The following SDK1 variants were observed in gnomAD, a reference collection of about 807,000 sequenced individuals.
SDK1 encodes protein sidekick-1.
In SDK1, 157 loss-of-function variants were observed where a neutral mutation model predicts 245.5. That is an observed-to-expected ratio of 0.64 (90% CI 0.56 to 0.73). The LOEUF (loss-of-function observed/expected upper bound fraction) is 0.73, where lower values mean the gene tolerates loss of function less well. Among genes scored for constraint, SDK1 ranks in the 30% least tolerant of loss-of-function variants. SDK1 has a pLI of 0.00. For synonymous variants in SDK1, 1,647 were observed against 1,278.5 expected, an observed-to-expected ratio of 1.29 and a Z score of -6.15; for missense variants, 3,583 against 3,002.3, an observed-to-expected ratio of 1.19 and a Z score of -4.52.
chr7:3,918,793 T>A (rs148846077), intron 5 of SDK1, among the ~76,000 whole-genome samples: 101 of 152,246 alleles, frequency 6.6e-4, no homozygotes, highest in African/African-American at 2.3e-3. Context: ...GACCGGCGGT[T>A]CTACCGAGAG....
At chr7:3,361,891 T>G (rs1425096854) in intron 1 of SDK1, among the ~76,000 whole-genome samples, 1 of 152,220 alleles carries the variant, frequency 6.6e-6, no homozygotes, top group Non-Finnish European at 1.5e-5. Flanking sequence ...ACCTGGCAAT[T>G]TTTTAAAATA....
At chr7:3,998,813 G>A (rs1352781110) in intron 14 of SDK1, among the ~76,000 whole-genome samples, 1 of 152,320 alleles carries the variant, frequency 6.6e-6, no homozygotes, top group East Asian at 1.9e-4. Flanking sequence ...GTTCCGTGCA[G>A]TCGGCGTCTC....
At chr7:3,883,200 A>G (rs1781249452) in intron 5 of SDK1, among the ~76,000 whole-genome samples, 1 of 152,170 alleles carries the variant, frequency 6.6e-6, no homozygotes, top group Non-Finnish European at 1.5e-5. Context: ...ACAGGCTTCG[A>G]CCAGAGAAGC....
chr7:3,484,855 G>C (rs1006642902), intron 1 of SDK1, among the ~76,000 whole-genome samples: 2 of 152,180 alleles, frequency 1.3e-5, no homozygotes, highest in Non-Finnish European at 2.9e-5. Flanking sequence ...TGGCTGAATA[G>C]TATTCCTTTG....
intron 4 of SDK1, among the ~76,000 whole-genome samples, chr7:3,706,060 A>G (rs1252191705): frequency 6.6e-6 from 1 of 152,194 alleles, no homozygotes; most frequent in Non-Finnish European, 1.5e-5. Context: ...TTTATGTGAT[A>G]TATCACATTT....
At chr7:3,409,336 A>T (rs564804449) in intron 1 of SDK1, among the ~76,000 whole-genome samples, 1 of 151,268 alleles carries the variant, frequency 6.6e-6, no homozygotes, top group African/African-American at 2.4e-5. Flanking sequence ...GGCCATCTGA[A>T]CAATACTCTT....
intron 1 of SDK1, among the ~76,000 whole-genome samples, chr7:3,310,210 C>T (rs74666396): frequency 0.015 from 2,351 of 152,288 alleles, 54 homozygotes; most frequent in African/African-American, 0.047. Flanking sequence ...CCTATTGCTT[C>T]AGACCCTCAA....
chr7:4,240,399 C>G (rs139455170), intron 42 of SDK1, among the ~76,000 whole-genome samples: 2 of 152,186 alleles, frequency 1.3e-5, no homozygotes, highest in African/African-American at 4.8e-5. Flanking sequence ...CCCCTCCCTG[C>G]GTGCACTCCT....
intron 35 of SDK1, among the ~76,000 whole-genome samples, chr7:4,186,707 A>G (rs1328031664): frequency 6.6e-6 from 1 of 152,122 alleles, no homozygotes; most frequent in Non-Finnish European, 1.5e-5. Flanking sequence ...GGGAGAGACC[A>G]GAAGCCCCCA....
At chr7:3,518,639 C>T (rs910060645) in intron 1 of SDK1, among the ~76,000 whole-genome samples, 9 of 152,016 alleles carry the variant, frequency 5.9e-5, no homozygotes, top group Non-Finnish European at 8.8e-5. Context: ...GATATCATCT[C>T]ATCCCAGATA....
intron 5 of SDK1, among the ~76,000 whole-genome samples, chr7:3,885,769 G>T (rs10273135): frequency 6.6e-6 from 1 of 152,210 alleles, no homozygotes; most frequent in Non-Finnish European, 1.5e-5. Flanking sequence ...TAGTTGTACA[G>T]TTCCATTGAA....
Position 3,439,583 on chromosome 7 carries a change from G to T in SDK1, c.298+137699G>T, listed in dbSNP as rs150925331. On this transcript the variant is annotated intron_variant, in intron 1 of 44. Coordinates refer to ENST00000404826, the MANE Select transcript of SDK1 (RefSeq NM_152744.4). ...GGGAATGCCTCTGTGAGTCACTGTTGTGGGAATGTCCTGGGATGGCATAGT... is the reference window on the plus strand; with the variant it reads ...GGGAATGCCTCTGTGAGTCACTGTTTTGGGAATGTCCTGGGATGGCATAGT... 2.5e-3 allele frequency among the ~76,000 whole-genome samples: 387 copies of T among 152,354 alleles called. 4 individuals are homozygous for T. Among genetic ancestry groups the T allele is most frequent in the African/African-American group, 8.9e-3 (370 of 41,570 alleles).
chr7:4,127,483 T>C lies in SDK1; in HGVS notation c.3926T>C (p.Ile1309Thr). The change falls in exon 26 of 45, where the codon ATA becomes ACA. Residue 1309 changes from isoleucine to threonine, a missense_variant. Ile to Thr is a moderately conservative substitution (Grantham distance 89, BLOSUM62 -1). Coordinates refer to ENST00000404826, the MANE Select transcript of SDK1 (RefSeq NM_152744.4). ...CCGGAACAGGACCAGAATGGGCTCA[T>C]ACTGGGCTACAAGGTGTGTGATCAC... is the stretch of plus-strand genomic sequence containing the variant. ...SVPEQDQNGL[I>T]LGYKILFRAK... 1 of 1,613,418 alleles carries C rather than the reference T, an allele frequency of 6.2e-7. No homozygotes were observed. The highest frequency in any genetic ancestry group is 8.5e-7 in the Non-Finnish European group (1 of 1,179,286).
intron 20 of SDK1, among the ~76,000 whole-genome samples, chr7:4,072,682 G>A (rs1440327017): frequency 6.6e-6 from 1 of 152,232 alleles, no homozygotes; most frequent in East Asian, 1.9e-4. Context: ...GCACCACCAT[G>A]CTCTCGCAGG....
chr7:3,476,432 T>C (rs954087007), intron 1 of SDK1, among the ~76,000 whole-genome samples: 6 of 152,248 alleles, frequency 3.9e-5, no homozygotes, highest in African/African-American at 1.4e-4. Flanking sequence ...GACATTACTT[T>C]TTCCTAGATT....
Position 3,464,878 on chromosome 7 carries a change from C to A in SDK1, c.299-154202C>A, listed in dbSNP as rs547384236. Among the ~76,000 whole-genome samples, 12 of 152,084 alleles carry A rather than the reference C, an allele frequency of 7.9e-5. No homozygotes were observed. In the South Asian group the frequency reaches 2.5e-3, roughly 32 times the overall value. On this transcript the variant is annotated intron_variant, in intron 1 of 44. Coordinates refer to ENST00000404826, the MANE Select transcript of SDK1 (RefSeq NM_152744.4). ...CAATGATATTACATGTTAAATTTGT[C>A]CTTGGGAAACATAGACATTTATGTG...
At chr7:3,874,970 T>C (rs1781039399) in intron 5 of SDK1, among the ~76,000 whole-genome samples, 1 of 152,144 alleles carries the variant, frequency 6.6e-6, no homozygotes, top group African/African-American at 2.4e-5. Context: ...GAGCACCCTT[T>C]AGGGTTCCTG....
At chr7:3,563,960 A>G in intron 1 of SDK1, among the ~76,000 whole-genome samples, 1 of 152,072 alleles carries the variant, frequency 6.6e-6, no homozygotes, top group East Asian at 1.9e-4. Context: ...ATAGCTATTG[A>G]ATTAAAAAAA....
chr7:3,921,707 T>C (rs1476802557), intron 5 of SDK1, among the ~76,000 whole-genome samples: 3 of 152,160 alleles, frequency 2.0e-5, no homozygotes, highest in Admixed American at 2.0e-4. Context: ...GGCTCATGCC[T>C]GTAATCCCAG....
Sources: allele counts gnomAD v4.1 joint callset (sites outside exome capture counted in the v4.1 genomes callset), GRCh38; gene constraint gnomAD v4.1.1; transcripts MANE v1.5; gene names NCBI Gene and HGNC (gene_info 2026-07-23, HGNC 2026-07-21).